Variants in ADGRA3 observed in about 807,000 individuals in gnomAD.
ADGRA3 encodes the protein adhesion G protein-coupled receptor A3.
In ADGRA3, 56 loss-of-function variants were observed where a neutral mutation model predicts 119.8. The ratio of observed to expected loss-of-function variants is 0.47; its 90% CI spans 0.38 to 0.58. ADGRA3 has a LOEUF of 0.58. Among genes scored for constraint, ADGRA3 ranks in the 20% least tolerant of loss-of-function variants. ADGRA3 has a pLI of 0.00. For synonymous variants in ADGRA3, 607 were observed against 623.8 expected, an observed-to-expected ratio of 0.97 and a Z score of 0.40; for missense variants, 1,516 against 1,649.0, an observed-to-expected ratio of 0.92 and a Z score of 1.40.
chr4:22,480,217 C>T (rs1347510469), intron 1 of ADGRA3, among the ~76,000 whole-genome samples: 1 of 152,116 alleles, frequency 6.6e-6, no homozygotes, highest in Non-Finnish European at 1.5e-5. Flanking sequence ...GAAAAATAAA[C>T]ACCAATGGAT....
chr4:22,500,177 G>GT (rs1719002470), intron 1 of ADGRA3, among the ~76,000 whole-genome samples: 1 of 118,338 alleles, frequency 8.5e-6, no homozygotes, highest in African/African-American at 2.7e-5. Context: ...CAAGTTTTCT[G>GT]TAACAACTGT....
chr4:22,469,418 T>C (rs73802819), intron 2 of ADGRA3, among the ~76,000 whole-genome samples: 1,924 of 152,344 alleles, frequency 0.013, 42 homozygotes, highest in African/African-American at 0.043. Context: ...CTTCATTGAA[T>C]GAATGAATCC....
At chr4:22,392,883 C>T (rs1486804554) in intron 16 of ADGRA3, 193 bp from the exon 17 acceptor site, 2 of 527,496 alleles carry the variant, frequency 3.8e-6, no homozygotes, top group Non-Finnish European at 3.3e-6. Context: ...TCCTCAAATA[C>T]ACAAACCAAC....
intron 10 of ADGRA3, among the ~76,000 whole-genome samples, chr4:22,427,567 A>AGAATGGAG (rs1418980787): frequency 1.3e-5 from 2 of 152,238 alleles, no homozygotes; most frequent in African/African-American, 4.8e-5. Context: ...CAAATGGCTA[A>AGAATGGAG]GAATGGAGGA....
intron 3 of ADGRA3, among the ~76,000 whole-genome samples, chr4:22,456,430 GTCTCTCTCTGC>G (rs1717241037): frequency 6.6e-6 from 1 of 152,112 alleles, no homozygotes; most frequent in African/African-American, 2.4e-5. Flanking sequence ...GAGAGGGCTT[GTCTCTCTCTGC>G]TCTCTCTCTC....
intron 1 of ADGRA3, chr4:22,514,621 AAGGGACTCAC>A (rs1719573832): frequency 6.6e-6 from 1 of 152,226 alleles, no homozygotes; most frequent in Non-Finnish European, 1.5e-5. Flanking sequence ...ACCCCGAGCC[AAGGGACTCAC>A]ATTTCAGTTG....
intron 2 of ADGRA3, chr4:22,472,910 TC>T (rs1717905600): frequency 6.6e-6 from 1 of 152,140 alleles, no homozygotes; most frequent in East Asian, 1.9e-4. Flanking sequence ...TGAAATGTGA[TC>T]CCGGTACAGC....
chr4:22,458,476 C>T (rs1465982636), intron 3 of ADGRA3, among the ~76,000 whole-genome samples: 1 of 152,178 alleles, frequency 6.6e-6, no homozygotes. Flanking sequence ...CATATCCAGA[C>T]TCTTGGTCGG....
Position 22,387,537 on chromosome 4 carries a change from A to C in ADGRA3, c.*168T>G. On this transcript the variant is annotated 3_prime_UTR_variant, in exon 19 of 19. Coordinates refer to ENST00000334304, the MANE Select transcript of ADGRA3 (RefSeq NM_145290.4). The stretch of plus-strand genomic sequence containing the variant: ...AAAGATTTTGTTTCAGATCCTAAAA[A>C]ATAGCAACAATTTGGGGATAAAAAT... 1.7e-6 allele frequency: 1 copy of C among 603,244 alleles called. No individual in the cohort carries two copies. The highest frequency in any genetic ancestry group is 2.9e-5 in the East Asian group (1 of 34,292). The allele number at this position is 603,244 out of a possible 1,614,324, so 37.4% of individuals were successfully genotyped here.
intron 1 of ADGRA3, among the ~76,000 whole-genome samples, chr4:22,482,944 CAG>C (rs950515751): frequency 7.9e-5 from 12 of 152,148 alleles, no homozygotes; most frequent in African/African-American, 2.9e-4. Context: ...AATTTTCAAG[CAG>C]AGTCATGCAC....
intron 1 of ADGRA3, among the ~76,000 whole-genome samples, chr4:22,490,417 G>A (rs1718582753): frequency 1.3e-5 from 2 of 152,136 alleles, no homozygotes; most frequent in South Asian, 4.1e-4. Context: ...CTAATTGAAA[G>A]CTTTCTACTG....
At chr4:22,412,901 A>C (rs1485871736) in intron 14 of ADGRA3, among the ~76,000 whole-genome samples, 1 of 152,118 alleles carries the variant, frequency 6.6e-6, no homozygotes, top group African/African-American at 2.4e-5. Context: ...AGTCTCTCCA[A>C]GTTTTAAGGT....
At chr4:22,442,195 C>A (rs1003433940) in intron 7 of ADGRA3, among the ~76,000 whole-genome samples, 1 of 151,948 alleles carries the variant, frequency 6.6e-6, no homozygotes, top group Non-Finnish European at 1.5e-5. Flanking sequence ...TTTTGGTATT[C>A]ACACCAATTA....
chr4:22,447,417 G>GA (rs765280293), intron 5 of ADGRA3, 23 bp downstream of exon 5: 2 of 1,288,614 alleles, frequency 1.6e-6, no homozygotes, highest in Non-Finnish European at 2.1e-6. Context: ...AAAAAAAAAA[G>GA]AGAGAAAAAA....
intron 4 of ADGRA3, among the ~76,000 whole-genome samples, chr4:22,453,179 C>A (rs1276788969): frequency 2.3e-5 from 3 of 132,590 alleles, no homozygotes; most frequent in African/African-American, 8.9e-5. Flanking sequence ...CCAGCCTGGG[C>A]GACAGAGCGA....
At chr4:22,446,722 T>A (rs369050340) in intron 5 of ADGRA3, among the ~76,000 whole-genome samples, 2 of 152,168 alleles carry the variant, frequency 1.3e-5, no homozygotes, top group African/African-American at 4.8e-5. Flanking sequence ...AGAGAAAAAC[T>A]CTTTCCCTGG....
chr4:22,485,038 T>C (rs1718387220), intron 1 of ADGRA3, among the ~76,000 whole-genome samples: 2 of 152,216 alleles, frequency 1.3e-5, no homozygotes. Flanking sequence ...TCTTAAGTCC[T>C]TGGTTGTTTC....
At chr4:22,482,248 AT>A (rs1204648910) in intron 1 of ADGRA3, among the ~76,000 whole-genome samples, 1 of 152,190 alleles carries the variant, frequency 6.6e-6, no homozygotes, top group Admixed American at 6.5e-5. Flanking sequence ...TACATAAAGT[AT>A]AAAAATCTTT....
chr4:22,507,844 A>G (rs1719298609), intron 1 of ADGRA3, among the ~76,000 whole-genome samples: 1 of 152,218 alleles, frequency 6.6e-6, no homozygotes, highest in Non-Finnish European at 1.5e-5. Context: ...CCACACACAT[A>G]AGATCAAGGA....
Sources: gnomAD v4.1 joint callset for allele counts (sites outside exome capture counted in the v4.1 genomes callset) on GRCh38, gnomAD v4.1.1 for gene constraint, MANE v1.5 for transcripts, NCBI Gene and HGNC (gene_info 2026-07-23, HGNC 2026-07-21) for gene names.